Variants in GFM2 observed in about 807,000 individuals in gnomAD.
GFM2 encodes ribosome-releasing factor 2, mitochondrial.
GFM2 carries 72 observed loss-of-function variants against 95.4 expected under a neutral mutation model. The observed-to-expected ratio is 0.76, with a 90% CI of 0.62 to 0.92. GFM2 has a LOEUF of 0.92. Ranked by LOEUF, GFM2 falls within the 40% of genes least tolerant of loss-of-function variation. The pLI, the probability that GFM2 is intolerant of heterozygous loss-of-function variation, is 0.00. For missense variants in GFM2, 825 were observed against 924.1 expected, an observed-to-expected ratio of 0.89 and a Z score of 1.39; for synonymous variants, 276 against 317.5, an observed-to-expected ratio of 0.87 and a Z score of 1.39.
chr5:74,758,303 A>C (rs1744102153), intron 5 of GFM2, among the ~76,000 whole-genome samples: 1 of 152,198 alleles, frequency 6.6e-6, no homozygotes, highest in Non-Finnish European at 1.5e-5. Context: ...AAGAACTATA[A>C]ATGAATTATA....
At chr5:74,742,918 C>G (rs1279496459) in intron 10 of GFM2, among the ~76,000 whole-genome samples, 2 of 152,170 alleles carry the variant, frequency 1.3e-5, no homozygotes, top group Non-Finnish European at 2.9e-5. Flanking sequence ...CTGCCCACCT[C>G]AGCCTCCCAA....
intron 10 of GFM2, among the ~76,000 whole-genome samples, chr5:74,744,378 G>A (rs1743274916): frequency 6.7e-6 from 1 of 150,126 alleles, no homozygotes; most frequent in African/African-American, 2.4e-5. Context: ...AAAAAACTAT[G>A]TACAAAAGAT....
chr5:74,762,789 A>T (rs1233475773), intron 2 of GFM2, among the ~76,000 whole-genome samples: 1 of 152,228 alleles, frequency 6.6e-6, no homozygotes, highest in African/African-American at 2.4e-5. Context: ...GGGCAAAGGA[A>T]TGACTCACCT....
At chr5:74,725,574 C>T in intron 19 of GFM2, 66 bp downstream of exon 19, 1 of 1,062,328 alleles carries the variant, frequency 9.4e-7, no homozygotes, top group Non-Finnish European at 1.4e-6. Context: ...CAGCTGTCTG[C>T]AAGATCAGTG....
chr5:74,725,616 A>C, intron 19 of GFM2, 24 bp downstream of exon 19: 2 of 1,489,634 alleles, frequency 1.3e-6, no homozygotes, highest in Non-Finnish European at 9.4e-7. Context: ...CCTTAAAGCC[A>C]TAAGGATTAG....
intron 3 of GFM2, 95 bp from the exon 4 acceptor site, chr5:74,759,521 T>A: frequency 1.5e-6 from 1 of 648,936 alleles, no homozygotes; most frequent in Non-Finnish European, 2.7e-6. Flanking sequence ...AAGCAAATAC[T>A]GTAAGTCCAA....
chr5:74,730,272 C>G lies in GFM2; in HGVS notation c.1714G>C (p.Val572Leu), dbSNP rs761782791. ...TTTTACTTTTTACCTGTGGCACGAACTGAGTTTAGGATGGTCTCTCGATAT... is the reference window on the plus strand; with the variant it reads ...TTTTACTTTTTACCTGTGGCACGAAGTGAGTTTAGGATGGTCTCTCGATAT... Reference protein sequence around the residue: ...VAYRETILNSVRATDTLDRTL... With the variant: ...VAYRETILNSLRATDTLDRTL... The change falls in exon 17 of 21, where the codon GTT becomes CTT. Residue 572 changes from valine to leucine, a missense_variant. By Grantham distance (32) the Val-to-Leu change is conservative. Coordinates refer to ENST00000296805, the MANE Select transcript of GFM2 (RefSeq NM_032380.5). 6.2e-6 allele frequency: 10 copies of G among 1,602,992 alleles called. No individual in the cohort carries two copies. The Admixed American group carries it at 1.6e-4, about 26-fold the overall frequency.
In GFM2 at chr5:74,738,614, A is replaced by G. The variant is rs749758056; in HGVS notation, c.1108T>C (p.Leu370=). The G allele has an allele frequency of 1.2e-6, 2 of 1,613,436 alleles. No homozygotes were observed. The highest frequency in any genetic ancestry group is 1.1e-5 in the South Asian group (1 of 91,010). Residue 370 remains leucine, a synonymous_variant, in exon 13 of 21, where the codon TTG becomes CTG. Coordinates refer to ENST00000296805, the MANE Select transcript of GFM2 (RefSeq NM_032380.5). Reference sequence around the variant, plus strand: ...TTGTCATGGAGAACTTTAAATGCCAATGCACATAAGTCATCCTTATACCAC... The same window carrying G: ...TTGTCATGGAGAACTTTAAATGCCAGTGCACATAAGTCATCCTTATACCAC... ...LQWYKDDLCA[L]AFKVLHDKQR... is the part of the protein sequence containing the mutation.
In GFM2 at chr5:74,738,545, T is replaced by A. The variant is rs1225296057; in HGVS notation, c.1177A>T (p.Ile393Leu). The change falls in exon 13 of 21, where the codon ATA (isoleucine) becomes TTA (leucine). Residue 393 changes from isoleucine (I) to leucine (L), a missense_variant. Coordinates refer to ENST00000296805, the MANE Select transcript of GFM2 (RefSeq NM_032380.5). ...TTATGAATGGCCAACTGGGGTTTTA[T>A]AGTGCCTGAGTAAATGCGCATAAAA... ...LVFMRIYSGT[I>L]KPQLAIHNIN... 1 of 1,613,658 alleles carries A rather than the reference T, an allele frequency of 6.2e-7. No individual in the cohort carries two copies. Among genetic ancestry groups the A allele is most frequent in the African/African-American group, 1.3e-5 (1 of 75,022 alleles).
Position 74,725,499 on chromosome 5 carries a change from T to C in GFM2, c.2028+141A>G, listed in dbSNP as rs143199538. The C allele has an allele frequency of 7.4e-3, 3,930 of 530,758 alleles. 28 individuals carry two copies. The highest frequency in any genetic ancestry group is 0.019 in the Middle Eastern group (68 of 3,550). 32.9% of individuals were successfully genotyped at this position (530,758 alleles called of 1,614,324 possible). A position where few individuals can be genotyped will look rare whatever the true frequency, so the allele number is the denominator to read the frequency against. ...TGATTAAGAAATCAGAGATTCTCCATGATAAGAACTCTTGTTGACCACAAG... is the reference window on the plus strand; with the variant it reads ...TGATTAAGAAATCAGAGATTCTCCACGATAAGAACTCTTGTTGACCACAAG... On this transcript the variant is annotated intron_variant, in intron 19 of 20. Coordinates refer to ENST00000296805, the MANE Select transcript of GFM2 (RefSeq NM_032380.5).
At position 74,730,194 on chromosome 5, in the gene GFM2, G is replaced by A. The variant is rs556169139; in HGVS notation, c.1726+66C>T. ...TTAGTGACTATGAACACTGCTTTCA[G>A]CAACTAAATAGAGAAAGAAAGACAG... On this transcript the variant is annotated intron_variant, in intron 17 of 20. Transcript: ENST00000296805. The A allele has an allele frequency of 3.1e-5, 45 of 1,440,304 alleles. 1 individual carries two copies. In the South Asian group the frequency reaches 5.3e-4, roughly 17 times the overall value. 89.2% of individuals were successfully genotyped at this position (1,440,304 alleles called of 1,614,324 possible).
chr5:74,726,095 C>A lies in GFM2; in HGVS notation c.1758G>T (p.Arg586Ser), dbSNP rs767624997. 6 of 1,610,142 alleles carry A rather than the reference C, an allele frequency of 3.7e-6. No individual in the cohort carries two copies. Among genetic ancestry groups the A allele is most frequent in the South Asian group, 2.2e-5 (2 of 90,380 alleles). ...CTTCCACTTCTACAGTCACAAGATGCCTTTTGTCTCCTAAAGTTCTATCTA... is the reference window on the plus strand; with the variant it reads ...CTTCCACTTCTACAGTCACAAGATGACTTTTGTCTCCTAAAGTTCTATCTA... ...DTLDRTLGDK[R>S]HLVTVEVEAR... Residue 586 changes from arginine (R) to serine (S), a missense_variant, in exon 18 of 21, where the codon AGG becomes AGT. Transcript: ENST00000296805.
At chr5:74,724,711 T>C (rs549803387) in intron 19 of GFM2, among the ~76,000 whole-genome samples, 1 of 152,276 alleles carries the variant, frequency 6.6e-6, no homozygotes, top group East Asian at 1.9e-4. Flanking sequence ...TAAATTAACT[T>C]TGTAATTTCG....
chr5:74,738,949 G>C (rs1287525003), intron 12 of GFM2, among the ~76,000 whole-genome samples: 2 of 152,088 alleles, frequency 1.3e-5, no homozygotes, highest in African/African-American at 4.8e-5. Flanking sequence ...TACTTATCAA[G>C]AAATCTGCAC....
chr5:74,753,635 C>T (rs1247594389), intron 5 of GFM2, among the ~76,000 whole-genome samples: 1 of 151,922 alleles, frequency 6.6e-6, no homozygotes, highest in Admixed American at 6.6e-5. Context: ...AAAGACAAGG[C>T]TTTTGAATTA....
chr5:74,741,456 C>T (rs1220761382), intron 11 of GFM2, 73 bp downstream of exon 11: 3 of 719,978 alleles, frequency 4.2e-6, no homozygotes, highest in East Asian at 2.7e-5. Flanking sequence ...AATGCACACA[C>T]ATCAAAGGCA....
intron 19 of GFM2, among the ~76,000 whole-genome samples, chr5:74,724,583 A>G (rs1188044775): frequency 6.6e-6 from 1 of 152,180 alleles, no homozygotes; most frequent in Non-Finnish European, 1.5e-5. Context: ...GGTGAACAAT[A>G]TTTAAACTTT....
rs756264556 is a variant in GFM2, at chr5:74,722,360, T to C, written c.2211+19A>G. ...CTGAATTAAGAAGAATATGTACTTT[T>C]CAGTTACAAAGTACCTACCATAATT... On this transcript the variant is annotated intron_variant, in intron 20 of 20. Coordinates refer to ENST00000296805, the MANE Select transcript of GFM2 (RefSeq NM_032380.5). 6 of 1,590,752 alleles carry C rather than the reference T, an allele frequency of 3.8e-6. No homozygotes were observed. The East Asian group carries it at 6.7e-5, about 18-fold the overall frequency.
At chr5:74,731,882 T>C (rs1190181738) in intron 16 of GFM2, among the ~76,000 whole-genome samples, 1 of 152,008 alleles carries the variant, frequency 6.6e-6, no homozygotes, top group African/African-American at 2.4e-5. Flanking sequence ...CGGACTTAAT[T>C]ATTTACTTGG....
Sources: gnomAD v4.1 joint callset for allele counts (sites outside exome capture counted in the v4.1 genomes callset) on GRCh38, gnomAD v4.1.1 for gene constraint, MANE v1.5 for transcripts, NCBI Gene and HGNC (gene_info 2026-07-23, HGNC 2026-07-21) for gene names.